The following DENND1A variants were observed in gnomAD, a reference collection of about 807,000 sequenced individuals.
The protein encoded by DENND1A is DENN domain-containing protein 1A.
Under a neutral mutation model 113.7 loss-of-function variants are expected in DENND1A, and 51 were observed. The observed-to-expected ratio is 0.45, with a 90% CI of 0.36 to 0.57. The LOEUF is 0.57. Ranked by LOEUF, DENND1A falls within the 20% of genes least tolerant of loss-of-function variation. DENND1A has a pLI of 0.00. For missense variants in DENND1A, 1,258 were observed against 1,395.9 expected (o/e 0.90, Z 1.57); for synonymous variants, 565 against 570.8 (o/e 0.99, Z 0.14).
chr9:123,609,556 A>G, intron 10 of DENND1A, 75 bp from the exon 11 acceptor site: 1 of 1,529,640 alleles, frequency 6.5e-7, no homozygotes, highest in Non-Finnish European at 8.9e-7. Flanking sequence ...ATGGTTCACT[A>G]TTTGGAGAAA....
chr9:123,681,523 A>T (rs2064458317), intron 5 of DENND1A, among the ~76,000 whole-genome samples: 1 of 152,186 alleles, frequency 6.6e-6, no homozygotes, highest in African/African-American at 2.4e-5. Flanking sequence ...AACAAGGAAC[A>T]GATCAAGACT....
rs551779290 is a variant in DENND1A at position 123,705,545 on chromosome 9, T to C, written c.303-28756A>G. Among the ~76,000 whole-genome samples, 13 of 152,122 alleles carry C rather than the reference T, an allele frequency of 8.5e-5. 1 individual carries two copies. The East Asian group carries it at 2.5e-3, about 29-fold the overall frequency. On this transcript the variant is annotated intron_variant, in intron 5 of 23. Coordinates refer to ENST00000394215, the MANE Select transcript of DENND1A (RefSeq NM_001352964.2). ...ACAACACGAGAACAGAAAAATGTAATTAAAAATATATGCCATTTATAGAAC... is the reference window on the plus strand; with the variant it reads ...ACAACACGAGAACAGAAAAATGTAACTAAAAATATATGCCATTTATAGAAC...
At chr9:123,763,077 A>AT (rs34020642) in intron 4 of DENND1A, among the ~76,000 whole-genome samples, 2,033 of 144,350 alleles carry the variant, frequency 0.014, 16 homozygotes, top group Non-Finnish European at 0.019. Context: ...AAGAATTCAG[A>AT]TTTTTTTTTT....
chr9:123,432,465 C>T (rs942316852), intron 19 of DENND1A, among the ~76,000 whole-genome samples: 3 of 152,128 alleles, frequency 2.0e-5, no homozygotes, highest in Non-Finnish European at 2.9e-5. Context: ...CCATGGGGAC[C>T]GAAGGGAGGG....
At chr9:123,520,147 CAA>C (rs777054330) in intron 13 of DENND1A, among the ~76,000 whole-genome samples, 1,411 of 37,052 alleles carry the variant, frequency 0.038, 5 homozygotes, top group African/African-American at 0.1. Flanking sequence ...GATCCTGTCT[CAA>C]AAAAAAAAAA....
chr9:123,408,462 C>T (rs1449174154), intron 20 of DENND1A, among the ~76,000 whole-genome samples: 6 of 152,184 alleles, frequency 3.9e-5, no homozygotes, highest in African/African-American at 9.7e-5. Context: ...ACCTCATTAC[C>T]TTTACCAGGT....
At chr9:123,674,241 G>T (rs896284683) in intron 6 of DENND1A, among the ~76,000 whole-genome samples, 58 of 151,820 alleles carry the variant, frequency 3.8e-4, no homozygotes, top group African/African-American at 1.4e-3. Flanking sequence ...TGAGCATGAT[G>T]GGTCCATGGC....
At chr9:123,640,180 T>C (rs537668859) in intron 9 of DENND1A, among the ~76,000 whole-genome samples, 1 of 152,222 alleles carries the variant, frequency 6.6e-6, no homozygotes, top group Admixed American at 6.5e-5. Context: ...ATGCAAACAA[T>C]CAACTTCCAC....
intron 5 of DENND1A, among the ~76,000 whole-genome samples, chr9:123,732,214 C>G (rs1042209773): frequency 2.0e-5 from 3 of 152,184 alleles, no homozygotes; most frequent in Non-Finnish European, 2.9e-5. Context: ...GAAACAAAAA[C>G]TTGTGTTCAC....
intron 1 of DENND1A, among the ~76,000 whole-genome samples, chr9:123,924,703 T>C (rs1439235113): frequency 6.6e-6 from 1 of 152,094 alleles, no homozygotes; most frequent in Non-Finnish European, 1.5e-5. Flanking sequence ...TGTAATCTTA[T>C]AAGATTCACA....
intron 2 of DENND1A, among the ~76,000 whole-genome samples, chr9:123,857,532 T>G (rs1233592503): frequency 6.6e-6 from 1 of 152,212 alleles, no homozygotes; most frequent in African/African-American, 2.4e-5. Context: ...AAGACTACTT[T>G]AATCAAGTGA....
intron 13 of DENND1A, among the ~76,000 whole-genome samples, chr9:123,507,173 A>G (rs2053029795): frequency 6.6e-6 from 1 of 152,198 alleles, no homozygotes. Flanking sequence ...TGGGCGACAG[A>G]GTGAGACTCC....
chr9:123,824,099 G>A (rs899498236), intron 2 of DENND1A, among the ~76,000 whole-genome samples: 2 of 152,106 alleles, frequency 1.3e-5, no homozygotes, highest in African/African-American at 4.8e-5. Context: ...TTATCAAGGT[G>A]ATAATTCTCA....
intron 5 of DENND1A, among the ~76,000 whole-genome samples, chr9:123,690,048 GGAAA>G (rs2065068637): frequency 1.5e-5 from 2 of 129,342 alleles, no homozygotes; most frequent in Non-Finnish European, 3.3e-5. Flanking sequence ...GAGGGAAGAA[GGAAA>G]GGAGGGAGGG....
intron 3 of DENND1A, among the ~76,000 whole-genome samples, chr9:123,782,786 T>C (rs1404085403): frequency 6.6e-6 from 1 of 152,240 alleles, no homozygotes; most frequent in African/African-American, 2.4e-5. Flanking sequence ...ACACAATTTA[T>C]GTAAATAATC....
At chr9:123,382,880 A>G (rs567082825) in intron 23 of DENND1A, among the ~76,000 whole-genome samples, 3 of 152,300 alleles carry the variant, frequency 2.0e-5, no homozygotes, top group African/African-American at 7.2e-5. Context: ...GTTGCCAAGG[A>G]GTTTTAGGAA....
intron 1 of DENND1A, among the ~76,000 whole-genome samples, chr9:123,889,271 T>C (rs1849564362): frequency 1.3e-5 from 2 of 152,100 alleles, no homozygotes; most frequent in Admixed American, 6.5e-5. Flanking sequence ...TCTGTCAAGA[T>C]ATATACCTGC....
chr9:123,488,954 T>C (rs1210668160), intron 13 of DENND1A, among the ~76,000 whole-genome samples: 1 of 152,170 alleles, frequency 6.6e-6, no homozygotes, highest in Non-Finnish European at 1.5e-5. Flanking sequence ...AATGCTCCCC[T>C]CTGGCCTCCC....
In DENND1A at chr9:123,672,321, G is replaced by A. The variant is rs191690127; in HGVS notation, c.373-950C>T. On this transcript the variant is annotated intron_variant, in intron 6 of 23. Transcript: ENST00000394215. ...AATCAAACAAGCTTCTCAGAGAGGA[G>A]AGAGATGAACTTGTGGGTGTGTGTG... 3.3e-5 allele frequency among the ~76,000 whole-genome samples: 5 copies of A among 152,284 alleles called. No individual in the cohort carries two copies. The East Asian group carries it at 9.6e-4, about 29-fold the overall frequency.
Sources: gnomAD v4.1 joint callset for allele counts (sites outside exome capture counted in the v4.1 genomes callset) on GRCh38, gnomAD v4.1.1 for gene constraint, MANE v1.5 for transcripts, NCBI Gene and HGNC (gene_info 2026-07-23, HGNC 2026-07-21) for gene names.